The following CACNG5 variants were observed in gnomAD, a reference collection of about 807,000 sequenced individuals.
The protein encoded by CACNG5 is voltage-dependent calcium channel gamma-5 subunit.
A neutral mutation model predicts 24.8 loss-of-function variants in CACNG5; 18 were observed. The ratio of observed to expected loss-of-function variants is 0.73; its 90% CI spans 0.50 to 1.08. CACNG5 has a LOEUF of 1.08. Ranked by LOEUF, CACNG5 falls within the 50% of genes least tolerant of loss-of-function variation. CACNG5 has a pLI of 0.00. For missense variants in CACNG5, 349 were observed against 367.9 expected, an observed-to-expected ratio of 0.95 and a Z score of 0.42; for synonymous variants, 157 against 149.1, an observed-to-expected ratio of 1.05 and a Z score of -0.39.
At chr17:66,842,542 C>T (rs762318404) in intron 1 of CACNG5, among the ~76,000 whole-genome samples, 5 of 152,220 alleles carry the variant, frequency 3.3e-5, no homozygotes, top group Non-Finnish European at 7.4e-5. Context: ...AAGAAAAAGG[C>T]GGAGTTGATT....
chr17:66,864,152 TAGG>T (rs952762025), intron 1 of CACNG5, among the ~76,000 whole-genome samples: 1 of 152,200 alleles, frequency 6.6e-6, no homozygotes, highest in African/African-American at 2.4e-5. Context: ...ATCTGTTAGA[TAGG>T]AGAAGGTTGC....
At chr17:66,874,259 G>A (rs1236556673) in intron 1 of CACNG5, among the ~76,000 whole-genome samples, 1 of 152,142 alleles carries the variant, frequency 6.6e-6, no homozygotes, top group African/African-American at 2.4e-5. Flanking sequence ...AACGTTCAAT[G>A]TACTTTGGTG....
chr17:66,843,103 A>G (rs1435425080), intron 1 of CACNG5, among the ~76,000 whole-genome samples: 1 of 152,226 alleles, frequency 6.6e-6, no homozygotes, highest in Non-Finnish European at 1.5e-5. Context: ...TATTTAATGG[A>G]ATCCCCTGCC....
chr17:66,865,042 T>C (rs868389475), intron 1 of CACNG5, among the ~76,000 whole-genome samples: 3 of 152,238 alleles, frequency 2.0e-5, no homozygotes, highest in Non-Finnish European at 4.4e-5. Flanking sequence ...ATTACAGGCA[T>C]GAGCCACCAT....
chr17:66,844,982 A>G (rs1315260868), intron 1 of CACNG5, among the ~76,000 whole-genome samples: 1 of 152,212 alleles, frequency 6.6e-6, no homozygotes, highest in Non-Finnish European at 1.5e-5. Context: ...TCCCCTAAAG[A>G]CACATGCACA....
At chr17:66,856,330 A>G (rs1447282550) in intron 1 of CACNG5, among the ~76,000 whole-genome samples, 1 of 152,186 alleles carries the variant, frequency 6.6e-6, no homozygotes. Flanking sequence ...TTAAATAATT[A>G]AACTTTTGAT....
chr17:66,854,689 T>C (rs1976748433), intron 1 of CACNG5, among the ~76,000 whole-genome samples: 1 of 151,956 alleles, frequency 6.6e-6, no homozygotes, highest in Admixed American at 6.6e-5. Flanking sequence ...AGCAAGACTC[T>C]GTCTCAAAAA....
intron 1 of CACNG5, among the ~76,000 whole-genome samples, chr17:66,842,058 AG>A (rs970831934): frequency 3.5e-4 from 52 of 150,336 alleles, no homozygotes; most frequent in African/African-American, 1.2e-3. Context: ...AGTGAGGTTT[AG>A]GGGGGCTTCA....
rs187742028 is a variant in CACNG5, at chr17:66,839,868, T to C, written c.-104+4618T>C. ...CTGAAGTCCTGTCGGGTAAGTGTTA[T>C]TCCTTTTCTTGATTGCTCAACTGAG... On this transcript the variant is annotated intron_variant, in intron 1 of 5. Coordinates refer to ENST00000533854, the MANE Select transcript of CACNG5 (RefSeq NM_145811.3). 3.0e-4 allele frequency among the ~76,000 whole-genome samples: 46 copies of C among 152,310 alleles called. No individual in the cohort carries two copies. In the East Asian group the frequency reaches 3.3e-3, roughly 11 times the overall value.
intron 2 of CACNG5, among the ~76,000 whole-genome samples, chr17:66,878,455 A>G (rs1016810226): frequency 1.3e-5 from 2 of 152,250 alleles, no homozygotes; most frequent in African/African-American, 4.8e-5. Flanking sequence ...CAAGGTGTTG[A>G]GTCTGCCATG....
chr17:66,865,755 G>T (rs554993777), intron 1 of CACNG5, among the ~76,000 whole-genome samples: 1 of 149,832 alleles, frequency 6.7e-6, no homozygotes, highest in African/African-American at 2.5e-5. Flanking sequence ...TCAGCCTCCC[G>T]AGTAGCTGGG....
At chr17:66,876,975 G>A (rs1324446703) in intron 1 of CACNG5, among the ~76,000 whole-genome samples, 5 of 124,198 alleles carry the variant, frequency 4.0e-5, no homozygotes, top group South Asian at 2.4e-4. Flanking sequence ...GGCACAATGG[G>A]TTGCTGAATG....
At chr17:66,884,081 G>A (rs1183579387) in intron 4 of CACNG5, among the ~76,000 whole-genome samples, 4 of 150,918 alleles carry the variant, frequency 2.7e-5, no homozygotes, top group South Asian at 2.1e-4. Context: ...GCAGTGAGCC[G>A]AGATCGCGCC....
At chr17:66,858,306 C>A (rs993038827) in intron 1 of CACNG5, among the ~76,000 whole-genome samples, 1 of 152,196 alleles carries the variant, frequency 6.6e-6, no homozygotes, top group Admixed American at 6.5e-5. Flanking sequence ...TGCCTCCTTT[C>A]TGGACCCGGG....
Position 66,888,661 on chromosome 17 carries a change from T to C in CACNG5, c.*3421T>C, listed in dbSNP as rs1598067886. 1.3e-5 allele frequency among the ~76,000 whole-genome samples: 2 copies of C among 151,992 alleles called. No individual in the cohort carries two copies. Among genetic ancestry groups the C allele is most frequent in the East Asian group, 3.9e-4 (2 of 5,164 alleles). ...AAACCTGAGAGGGGCTTCTGGACGA[T>C]TTCAGTCAGGAGCACTCTCTCTTAC... On this transcript the variant is annotated 3_prime_UTR_variant, in exon 6 of 6. Transcript: ENST00000533854.
intron 1 of CACNG5, among the ~76,000 whole-genome samples, chr17:66,875,667 TG>T (rs1236200391): frequency 1.3e-5 from 2 of 152,218 alleles, no homozygotes; most frequent in Non-Finnish European, 2.9e-5. Flanking sequence ...ATACCATCCC[TG>T]GGGCAGGGCC....
intron 1 of CACNG5, among the ~76,000 whole-genome samples, chr17:66,844,668 G>C (rs542955408): frequency 2.1e-4 from 31 of 148,942 alleles, no homozygotes; most frequent in South Asian, 1.1e-3. Flanking sequence ...CACAGCCATT[G>C]TGTGCAAGGG....
chr17:66,885,171 G>T lies in CACNG5; in HGVS notation c.759G>T (p.Gln253His). 1 of 1,612,242 alleles carries T rather than the reference G, an allele frequency of 6.2e-7. No homozygotes were observed. The highest frequency in any genetic ancestry group is 8.5e-7 in the Non-Finnish European group (1 of 1,179,928). ...ACATCTCCAGCGAGGCCTCCCTGCA[G>T]ATGAACAGCAACTACCCCGCCTTGC... is the stretch of plus-strand genomic sequence containing the variant. ...PSDISSEASL[Q>H]MNSNYPALLK... The change falls in exon 6 of 6, where the codon CAG becomes CAT. Residue 253 changes from glutamine to histidine, a missense_variant. Transcript: ENST00000533854.
intron 1 of CACNG5, among the ~76,000 whole-genome samples, chr17:66,847,450 G>T (rs972145014): frequency 2.0e-5 from 3 of 152,168 alleles, no homozygotes; most frequent in African/African-American, 7.2e-5. Flanking sequence ...ATCTTACATG[G>T]CAGCAGGCAA....
Sources: allele counts gnomAD v4.1 joint callset (sites outside exome capture counted in the v4.1 genomes callset), GRCh38; gene constraint gnomAD v4.1.1; transcripts MANE v1.5; gene names NCBI Gene and HGNC (gene_info 2026-07-23, HGNC 2026-07-21).